ELP4: variants seen among roughly 807,000 people sequenced by gnomAD.
ELP4 encodes elongator complex protein 4.
A neutral mutation model predicts 48.9 loss-of-function variants in ELP4; 51 were observed. The ratio of observed to expected loss-of-function variants is 1.04; its 90% confidence interval spans 0.83 to 1.32. The LOEUF (loss-of-function observed/expected upper bound fraction) is 1.32, where lower values mean the gene tolerates loss of function less well. Ranked by LOEUF, ELP4 falls within the 40% of genes most tolerant of loss-of-function variation. The pLI is 0.00. For missense variants in ELP4, 519 were observed against 514.6 expected (o/e 1.01, Z -0.08); for synonymous variants, 210 against 189.2 (o/e 1.11, Z -0.90).
rs566567283 is a variant in ELP4, at chr11:31,546,743, C to T, written c.381+6960C>T. Among the ~76,000 whole-genome samples the T allele has an allele frequency of 3.5e-4, 53 of 152,020 alleles. 1 individual carries two copies. The highest frequency in any genetic ancestry group is 1.2e-3 in the African/African-American group (50 of 41,496). On this transcript the variant is annotated intron_variant, in intron 3 of 9. Coordinates refer to ENST00000640961, the MANE Select transcript of ELP4 (RefSeq NM_019040.5). ...TGACCACATAGTTGGAAGTAAAGCT[C>T]TCCTCAGCAAATGTAAAAGAACAGA...
At chr11:31,758,768 G>C (rs1026010392) in intron 9 of ELP4, among the ~76,000 whole-genome samples, 2 of 150,152 alleles carry the variant, frequency 1.3e-5, no homozygotes, top group Admixed American at 6.7e-5. Flanking sequence ...CCAGGTTCAA[G>C]CAGTTCTCCC....
At chr11:31,750,892 G>A (rs968730967) in intron 9 of ELP4, among the ~76,000 whole-genome samples, 1 of 152,114 alleles carries the variant, frequency 6.6e-6, no homozygotes, top group Non-Finnish European at 1.5e-5. Flanking sequence ...CCCTTCTCCA[G>A]CCTATAGGCA....
Position 31,735,104 on chromosome 11 carries a change from G to A in ELP4, c.1144-48289G>A, listed in dbSNP as rs374333372. ...GACAAAGGTGCCAAGAATACATAAT[G>A]AGGAAACGGTAGTGTTTTCAACAAA... On this transcript the variant is annotated intron_variant, in intron 9 of 9. Coordinates refer to ENST00000640961, the MANE Select transcript of ELP4 (RefSeq NM_019040.5). Among the ~76,000 whole-genome samples, 101 of 150,250 alleles carry A rather than the reference G, an allele frequency of 6.7e-4. 3 individuals are homozygous for A. The South Asian group carries it at 0.018, about 27-fold the overall frequency.
At chr11:31,558,142 CT>C (rs560375572) in intron 3 of ELP4, among the ~76,000 whole-genome samples, 38 of 146,282 alleles carry the variant, frequency 2.6e-4, no homozygotes, top group Non-Finnish European at 2.4e-4. Flanking sequence ...GGGTTTCACT[CT>C]TTTTTTTTTT....
intron 9 of ELP4, among the ~76,000 whole-genome samples, chr11:31,690,689 G>A (rs1440849680): frequency 6.6e-6 from 1 of 151,258 alleles, no homozygotes; most frequent in Non-Finnish European, 1.5e-5. Flanking sequence ...TGAAAATCTT[G>A]CCTCTGGCCA....
intron 9 of ELP4, among the ~76,000 whole-genome samples, chr11:31,707,885 A>G (rs1219719961): frequency 6.6e-6 from 1 of 152,056 alleles, no homozygotes; most frequent in Non-Finnish European, 1.5e-5. Context: ...CTCCTTTTAT[A>G]AGGACTCTTG....
chr11:31,577,801 A>G (rs1483317673), intron 3 of ELP4, among the ~76,000 whole-genome samples: 1 of 152,200 alleles, frequency 6.6e-6, no homozygotes, highest in Non-Finnish European at 1.5e-5. Flanking sequence ...ATCTCAAAAT[A>G]ATAAGCGCTA....
intron 9 of ELP4, among the ~76,000 whole-genome samples, chr11:31,746,160 G>A (rs1353690397): frequency 6.6e-6 from 1 of 152,226 alleles, no homozygotes; most frequent in Non-Finnish European, 1.5e-5. Context: ...CTGGCCATCA[G>A]AGAAATGCAA....
intron 9 of ELP4, among the ~76,000 whole-genome samples, chr11:31,743,066 CA>C (rs1947494730): frequency 6.6e-6 from 1 of 151,914 alleles, no homozygotes; most frequent in East Asian, 1.9e-4. Flanking sequence ...ATCTACCAAG[CA>C]AATGGAAAAC....
chr11:31,526,645 A>C (rs895470603), intron 2 of ELP4, among the ~76,000 whole-genome samples: 1 of 152,038 alleles, frequency 6.6e-6, no homozygotes, highest in African/African-American at 2.4e-5. Flanking sequence ...TCCTAAAATC[A>C]ATCCTCAAAA....
intron 5 of ELP4, among the ~76,000 whole-genome samples, chr11:31,623,403 A>T (rs1241247119): frequency 2.1e-5 from 3 of 141,974 alleles, no homozygotes; most frequent in Admixed American, 1.4e-4. Context: ...AACTAGAAAC[A>T]TTGCTGGCAA....
At chr11:31,546,001 G>A (rs982567690) in intron 3 of ELP4, among the ~76,000 whole-genome samples, 27 of 151,950 alleles carry the variant, frequency 1.8e-4, no homozygotes, top group Admixed American at 6.6e-4. Flanking sequence ...ACATGGAAAG[G>A]AACAACCGGT....
intron 3 of ELP4, among the ~76,000 whole-genome samples, chr11:31,555,974 C>G (rs540968755): frequency 6.6e-6 from 1 of 151,976 alleles, no homozygotes; most frequent in East Asian, 1.9e-4. Flanking sequence ...TTGGGAATTT[C>G]TAGAACCTAT....
intron 5 of ELP4, among the ~76,000 whole-genome samples, chr11:31,623,271 CAAG>C (rs1944659499): frequency 1.4e-5 from 2 of 148,062 alleles, no homozygotes; most frequent in Non-Finnish European, 3.0e-5. Context: ...AACACACACA[CAAG>C]AGTAAGCATC....
At chr11:31,666,431 C>T (rs1053102116) in intron 9 of ELP4, among the ~76,000 whole-genome samples, 3 of 152,038 alleles carry the variant, frequency 2.0e-5, no homozygotes, top group African/African-American at 7.2e-5. Flanking sequence ...CAGTCGCTCA[C>T]GCCTGTAATC....
chr11:31,614,957 G>A (rs1488482165), intron 5 of ELP4, among the ~76,000 whole-genome samples: 2 of 152,092 alleles, frequency 1.3e-5, no homozygotes, highest in Admixed American at 1.3e-4. Context: ...GGATGATATT[G>A]GAACAACTGC....
chr11:31,699,394 T>C (rs1946474660), intron 9 of ELP4, among the ~76,000 whole-genome samples: 1 of 152,074 alleles, frequency 6.6e-6, no homozygotes, highest in Non-Finnish European at 1.5e-5. Flanking sequence ...AAATTAATAA[T>C]GGAAAACATT....
intron 9 of ELP4, among the ~76,000 whole-genome samples, chr11:31,697,267 G>GTC (rs1218059656): frequency 2.6e-5 from 4 of 152,110 alleles, no homozygotes; most frequent in Non-Finnish European, 1.5e-5. Flanking sequence ...TTATCTCTAA[G>GTC]TCTTCGTTTC....
chr11:31,772,120 C>CTTTTT (rs11406554), intron 9 of ELP4, among the ~76,000 whole-genome samples: 1 of 132,146 alleles, frequency 7.6e-6, no homozygotes, highest in East Asian at 2.2e-4. Context: ...TTATTTTCTT[C>CTTTTT]TTTTTTTTTT....
Sources: allele counts gnomAD v4.1 joint callset (sites outside exome capture counted in the v4.1 genomes callset), GRCh38; gene constraint gnomAD v4.1.1; transcripts MANE v1.5; gene names NCBI Gene and HGNC (gene_info 2026-07-23, HGNC 2026-07-21).